Variants in POGLUT1 observed in about 807,000 individuals in gnomAD.
POGLUT1 encodes protein O-glucosyltransferase 1, also known as 9630046K23Rik.
Under a neutral mutation model 61.3 loss-of-function variants are expected in POGLUT1, and 32 were observed. That is an observed-to-expected ratio of 0.52 (90% CI 0.39 to 0.70). POGLUT1 has a LOEUF of 0.70. POGLUT1 is among the 30% of genes least tolerant of loss of function. The pLI, the probability that POGLUT1 is intolerant of heterozygous loss-of-function variation, is 0.00. For synonymous variants in POGLUT1, 158 were observed against 158.2 expected (o/e 1.00, Z 0.01); for missense variants, 411 against 469.8 (o/e 0.87, Z 1.16).
chr3:119,487,127 A>T, intron 7 of POGLUT1, 195 bp downstream of exon 7: 1 of 585,262 alleles, frequency 1.7e-6, no homozygotes, highest in East Asian at 2.9e-5. Flanking sequence ...CCATATTATG[A>T]CTAGTATATT....
chr3:119,479,989 G>C (rs750318716), intron 4 of POGLUT1, 62 bp from the exon 5 acceptor site: 2 of 1,605,988 alleles, frequency 1.2e-6, no homozygotes, highest in Non-Finnish European at 1.7e-6. Context: ...TGGCATGATT[G>C]CAGTTGCCTC....
In POGLUT1 at chr3:119,493,803, A is replaced by ATTTTTTTTTTT. The variant is rs58233822; in HGVS notation, c.*1376_*1386dup. 5.0e-3 allele frequency: 596 copies of ATTTTTTTTTTT among 119,850 alleles called. 24 individuals are homozygous for ATTTTTTTTTTT. The highest frequency in any genetic ancestry group is 0.019 in the African/African-American group (568 of 29,242). The allele number at this position is 119,850 out of a possible 1,614,324, so 7.4% of individuals were successfully genotyped here. On this transcript the variant is annotated 3_prime_UTR_variant, in exon 11 of 11. Transcript: ENST00000295588. ...GGAATAAGCAGATGTTTAAAGTTGG[A>ATTTTTTTTTTT]TTTTTTTTTTTTTTTTTTTTTGAGT...
Position 119,491,398 on chromosome 3 carries a change from G to C in POGLUT1, c.966-120G>C, listed in dbSNP as rs2081743512. 4 of 467,090 alleles carry C rather than the reference G, an allele frequency of 8.6e-6. No homozygotes were observed. In the Admixed American group the frequency reaches 1.3e-4, roughly 15 times the overall value. The allele number at this position is 467,090 out of a possible 1,614,324, so 28.9% of individuals were successfully genotyped here. A position where few individuals can be genotyped will look rare whatever the true frequency, so the allele number is the denominator to read the frequency against. ...AGAACCCTGATATCTTTGCTTGAAG[G>C]AAATAATCCACCATCCACATACCTA... On this transcript the variant is annotated intron_variant, in intron 9 of 10. Coordinates refer to ENST00000295588, the MANE Select transcript of POGLUT1 (RefSeq NM_152305.3).
intron 3 of POGLUT1, 147 bp downstream of exon 3, chr3:119,471,599 T>G (rs1293900161): frequency 2.7e-6 from 2 of 750,222 alleles, no homozygotes; most frequent in Admixed American, 2.4e-5. Flanking sequence ...GCTCTTCTCC[T>G]TGCCTGGGAA....
chr3:119,486,988 C>A, intron 7 of POGLUT1, 56 bp downstream of exon 7: 1 of 1,106,448 alleles, frequency 9.0e-7, no homozygotes, highest in Non-Finnish European at 1.4e-6. Context: ...ACTCAAAGAA[C>A]ATTGCCACCT....
intron 8 of POGLUT1, chr3:119,489,511 G>A: frequency 6.5e-6 from 1 of 153,580 alleles, no homozygotes; most frequent in Non-Finnish European, 1.5e-5. Flanking sequence ...GGTGGTGGGG[G>A]TGGCTCAGAG....
chr3:119,477,731 G>C (rs774346714), intron 4 of POGLUT1, among the ~76,000 whole-genome samples: 3 of 152,192 alleles, frequency 2.0e-5, no homozygotes, highest in Non-Finnish European at 4.4e-5. Context: ...TTAGAGGTGG[G>C]TCTTGAAGAT....
At chr3:119,482,639 A>C (rs2081619525) in intron 5 of POGLUT1, among the ~76,000 whole-genome samples, 1 of 152,160 alleles carries the variant, frequency 6.6e-6, no homozygotes, top group African/African-American at 2.4e-5. Context: ...ATAGAAATAC[A>C]ATTTTGTTTT....
intron 10 of POGLUT1, among the ~76,000 whole-genome samples, chr3:119,491,979 G>A (rs1241557211): frequency 5.3e-5 from 8 of 152,066 alleles, no homozygotes; most frequent in Non-Finnish European, 7.4e-5. Flanking sequence ...ACTTGAACCC[G>A]GGAGGCGGAG....
chr3:119,489,113 C>T (rs774930049), intron 8 of POGLUT1, 126 bp downstream of exon 8: 2 of 539,694 alleles, frequency 3.7e-6, no homozygotes, highest in Non-Finnish European at 6.8e-6. Flanking sequence ...ATTCATTTCA[C>T]TGGCTTTTCC....
intron 4 of POGLUT1, 44 bp from the exon 5 acceptor site, chr3:119,480,007 T>G: frequency 6.2e-7 from 1 of 1,610,346 alleles, no homozygotes; most frequent in Non-Finnish European, 8.5e-7. Flanking sequence ...CTCTTTTCAC[T>G]GTTCCAAGAC....
At position 119,491,522 on chromosome 3, in the gene POGLUT1, C is replaced by A; in HGVS notation, c.970C>A (p.Leu324Met). ...CTAAAATTCTTTTCATTTTAGAGAG[C>A]TGTTACAATTTGTAAAAGCAAATGA... ...VKTDLSNVQELLQFVKANDDV... is the reference protein window; with the variant it reads ...VKTDLSNVQEMLQFVKANDDV... The change falls in exon 10 of 11, where the codon CTG (leucine) becomes ATG (methionine). Residue 324 changes from leucine (L) to methionine (M), a missense_variant. Transcript: ENST00000295588. 2 of 1,491,454 alleles carry A rather than the reference C, an allele frequency of 1.3e-6. No individual in the cohort carries two copies. The highest frequency in any genetic ancestry group is 2.4e-5 in the East Asian group (1 of 41,942). 92.4% of individuals were successfully genotyped at this position (1,491,454 alleles called of 1,614,324 possible).
Position 119,485,309 on chromosome 3 carries a change from T to C in POGLUT1, c.579-19T>C. ...GTTGAAAAAGATATATTGAAACTAA[T>C]TAAATTCTATATTCTTAGGTCAGCA... On this transcript the variant is annotated intron_variant, in intron 5 of 10. Transcript: ENST00000295588. The C allele has an allele frequency of 2.0e-6, 3 of 1,504,910 alleles. No individual in the cohort carries two copies. The South Asian group carries it at 3.5e-5, about 17-fold the overall frequency. The allele number at this position is 1,504,910 out of a possible 1,614,324, so 93.2% of individuals were successfully genotyped here.
At chr3:119,485,235 T>C (rs988245681) in intron 5 of POGLUT1, 93 bp from the exon 6 acceptor site, 4 of 800,400 alleles carry the variant, frequency 5.0e-6, no homozygotes, top group South Asian at 1.7e-5. Context: ...AAAAGAAATA[T>C]GAAGCTCTGA....
chr3:119,494,400 T>C lies in POGLUT1; in HGVS notation c.*1962T>C, dbSNP rs1057075669. Reference sequence around the variant, plus strand: ...GATAAGACCATAAGAATTGGATCAATGTAAATCCTCACCTGCCCTTTGAAG... The same window carrying C: ...GATAAGACCATAAGAATTGGATCAACGTAAATCCTCACCTGCCCTTTGAAG... On this transcript the variant is annotated 3_prime_UTR_variant, in exon 11 of 11. Coordinates refer to ENST00000295588, the MANE Select transcript of POGLUT1 (RefSeq NM_152305.3). 10 of 152,764 alleles carry C rather than the reference T, an allele frequency of 6.5e-5. No homozygotes were observed. The highest frequency in any genetic ancestry group is 2.4e-4 in the African/African-American group (10 of 41,564). The allele number at this position is 152,764 out of a possible 1,614,324, so 9.5% of individuals were successfully genotyped here.
intron 5 of POGLUT1, among the ~76,000 whole-genome samples, chr3:119,483,963 G>T (rs1019395755): frequency 6.6e-6 from 1 of 152,210 alleles, no homozygotes; most frequent in Non-Finnish European, 1.5e-5. Context: ...GATTCCAGAC[G>T]ACTTCTTACT....
chr3:119,477,960 G>T (rs1309885724), intron 4 of POGLUT1, among the ~76,000 whole-genome samples: 8 of 152,224 alleles, frequency 5.3e-5, no homozygotes, highest in Non-Finnish European at 8.8e-5. Flanking sequence ...GTGCATTGAA[G>T]GGATAGGCTG....
chr3:119,472,354 C>T (rs913365739), intron 3 of POGLUT1, among the ~76,000 whole-genome samples: 3 of 152,018 alleles, frequency 2.0e-5, no homozygotes, highest in Non-Finnish European at 4.4e-5. Flanking sequence ...ATTATCGATT[C>T]GTTCATAAAG....
chr3:119,471,512 T>G, intron 3 of POGLUT1, 60 bp downstream of exon 3: 4 of 1,484,658 alleles, frequency 2.7e-6, no homozygotes, highest in Non-Finnish European at 3.8e-6. Context: ...TTGATACCCT[T>G]TTATAGAGGA....
Sources: gnomAD v4.1 joint callset for allele counts (sites outside exome capture counted in the v4.1 genomes callset) on GRCh38, gnomAD v4.1.1 for gene constraint, MANE v1.5 for transcripts, NCBI Gene and HGNC (gene_info 2026-07-23, HGNC 2026-07-21) for gene names.